The following AUTS2 variants were observed in gnomAD, a reference collection of about 807,000 sequenced individuals.
The protein encoded by AUTS2 is autism susceptibility gene 2 protein.
AUTS2 carries 17 observed loss-of-function variants against 112.4 expected under a neutral mutation model. The ratio of observed to expected loss-of-function variants is 0.15; its 90% CI spans 0.10 to 0.23. The LOEUF is 0.23. Among genes scored for constraint, AUTS2 ranks in the 10% least tolerant of loss-of-function variants. AUTS2 has a pLI of 1.00. For missense variants in AUTS2, 1,510 were observed against 1,701.6 expected (o/e 0.89, Z 1.98); for synonymous variants, 751 against 702.7 (o/e 1.07, Z -1.09).
At chr7:70,174,838 T>C (rs1808899331) in intron 4 of AUTS2, among the ~76,000 whole-genome samples, 1 of 152,206 alleles carries the variant, frequency 6.6e-6, no homozygotes, top group Non-Finnish European at 1.5e-5. Context: ...TCATTGATAA[T>C]GTACATGATC....
intron 5 of AUTS2, among the ~76,000 whole-genome samples, chr7:70,469,176 A>G (rs1188321585): frequency 1.3e-5 from 2 of 152,232 alleles, no homozygotes; most frequent in Non-Finnish European, 2.9e-5. Context: ...CGGAGCAGCT[A>G]CTTCTGGGTT....
intron 2 of AUTS2, among the ~76,000 whole-genome samples, chr7:69,976,024 G>A (rs1205040823): frequency 1.3e-5 from 2 of 152,132 alleles, no homozygotes; most frequent in African/African-American, 4.8e-5. Flanking sequence ...TGTATTTAAT[G>A]AAATTTACCA....
At chr7:70,716,863 A>G (rs568437892) in intron 6 of AUTS2, among the ~76,000 whole-genome samples, 9 of 152,166 alleles carry the variant, frequency 5.9e-5, no homozygotes, top group African/African-American at 2.2e-4. Context: ...TTCATGTGAT[A>G]CTAAGACGTA....
chr7:70,463,226 A>G (rs533049396), intron 5 of AUTS2, among the ~76,000 whole-genome samples: 7 of 152,324 alleles, frequency 4.6e-5, no homozygotes, highest in African/African-American at 1.2e-4. Context: ...CTGTTCACTC[A>G]CTTTGGCAGA....
chr7:70,243,660 A>AGT (rs3078163), intron 4 of AUTS2, among the ~76,000 whole-genome samples: 12,211 of 152,218 alleles, frequency 0.08, 630 homozygotes, highest in African/African-American at 0.13. Context: ...GTCCCAAAGT[A>AGT]GTGACACATG....
chr7:69,936,926 C>G (rs1406739230), intron 2 of AUTS2, among the ~76,000 whole-genome samples: 1 of 152,036 alleles, frequency 6.6e-6, no homozygotes, highest in Non-Finnish European at 1.5e-5. Context: ...TCTCTTTTCC[C>G]TTTACCCTCT....
chr7:70,026,927 A>G (rs1800547260), intron 2 of AUTS2, among the ~76,000 whole-genome samples: 1 of 152,024 alleles, frequency 6.6e-6, no homozygotes, highest in African/African-American at 2.4e-5. Context: ...CTAAGTTATA[A>G]TGGTTTGACT....
At chr7:69,974,992 A>G (rs1256848332) in intron 2 of AUTS2, among the ~76,000 whole-genome samples, 1 of 151,890 alleles carries the variant, frequency 6.6e-6, no homozygotes, top group Non-Finnish European at 1.5e-5. Context: ...TTAAAAATAG[A>G]ACTTCCTTTA....
intron 5 of AUTS2, among the ~76,000 whole-genome samples, chr7:70,509,017 A>T (rs1799080522): frequency 6.6e-6 from 1 of 152,118 alleles, no homozygotes; most frequent in African/African-American, 2.4e-5. Flanking sequence ...TCCTTTCATT[A>T]TATTTTTCCT....
At chr7:70,722,429 T>G (rs1339944170) in intron 6 of AUTS2, among the ~76,000 whole-genome samples, 2 of 152,194 alleles carry the variant, frequency 1.3e-5, no homozygotes, top group Admixed American at 1.3e-4. Context: ...TTATATGCTA[T>G]AAATAATTAT....
At chr7:69,839,054 A>C (rs1005260989) in intron 1 of AUTS2, among the ~76,000 whole-genome samples, 2 of 152,124 alleles carry the variant, frequency 1.3e-5, no homozygotes, top group African/African-American at 4.8e-5. Flanking sequence ...TTGTAGCTGC[A>C]TTATTGTAGA....
At chr7:70,105,686 C>T (rs961252526) in intron 2 of AUTS2, among the ~76,000 whole-genome samples, 1 of 152,166 alleles carries the variant, frequency 6.6e-6, no homozygotes, top group African/African-American at 2.4e-5. Flanking sequence ...ATAAACTCTT[C>T]ATTTACTGGC....
At chr7:69,855,688 A>G (rs1178818681) in intron 1 of AUTS2, among the ~76,000 whole-genome samples, 3 of 152,196 alleles carry the variant, frequency 2.0e-5, no homozygotes, top group Non-Finnish European at 2.9e-5. Context: ...TAGACTTTAA[A>G]TGTTGGTTGT....
In AUTS2 at chr7:70,152,344, A is replaced by G. The variant is rs150729949; in HGVS notation, c.660+17773A>G. Among the ~76,000 whole-genome samples the G allele has an allele frequency of 2.6e-5, 4 of 152,230 alleles. No homozygotes were observed. In the East Asian group the frequency reaches 7.7e-4, roughly 29 times the overall value. ...AACACATATTATAATCAGATTTCTC[A>G]AAACCAATAAGAAAGGGAAAATCTT... is the stretch of plus-strand genomic sequence containing the variant. On this transcript the variant is annotated intron_variant, in intron 4 of 18. Transcript: ENST00000342771.
chr7:70,156,702 CA>C (rs760260909), intron 4 of AUTS2, among the ~76,000 whole-genome samples: 1 of 151,558 alleles, frequency 6.6e-6, no homozygotes. Flanking sequence ...GCTTAGGGAA[CA>C]ATTTTTCAGC....
Position 69,683,095 on chromosome 7 carries a change from G to A in AUTS2, c.309+83133G>A, listed in dbSNP as rs528732761. Reference sequence around the variant, plus strand: ...CCCATTGCTGGGGGGAATGCCGTAGGTTATATTGGGAGGCTGGATGAGGCG... The same window carrying A: ...CCCATTGCTGGGGGGAATGCCGTAGATTATATTGGGAGGCTGGATGAGGCG... On this transcript the variant is annotated intron_variant, in intron 1 of 18. Transcript: ENST00000342771. Among the ~76,000 whole-genome samples, 7 of 152,382 alleles carry A rather than the reference G, an allele frequency of 4.6e-5. No individual in the cohort carries two copies. In the South Asian group the frequency reaches 1.4e-3, roughly 32 times the overall value.
intron 4 of AUTS2, among the ~76,000 whole-genome samples, chr7:70,241,563 T>C (rs1411402904): frequency 6.6e-6 from 1 of 152,186 alleles, no homozygotes; most frequent in African/African-American, 2.4e-5. Context: ...GTTTGGGTTC[T>C]TTCTCCATTC....
intron 1 of AUTS2, among the ~76,000 whole-genome samples, chr7:69,685,258 A>G (rs1253381196): frequency 6.6e-6 from 1 of 152,232 alleles, no homozygotes; most frequent in East Asian, 1.9e-4. Context: ...ATTTTGGGGC[A>G]TGAAATGATC....
chr7:70,550,615 C>T (rs1419301914), intron 5 of AUTS2, among the ~76,000 whole-genome samples: 2 of 152,056 alleles, frequency 1.3e-5, no homozygotes, highest in Non-Finnish European at 2.9e-5. Context: ...AGGCTTCTTG[C>T]TATTGGAGTG....
Sources: allele counts gnomAD v4.1 joint callset (sites outside exome capture counted in the v4.1 genomes callset), GRCh38; gene constraint gnomAD v4.1.1; transcripts MANE v1.5; gene names NCBI Gene and HGNC (gene_info 2026-07-23, HGNC 2026-07-21).